Variants in SLC25A12 observed in about 807,000 individuals in gnomAD.
The protein encoded by SLC25A12 is solute carrier family 25 member 12, also known as electrogenic aspartate/glutamate antiporter SLC25A12, mitochondrial.
SLC25A12 carries 32 observed loss-of-function variants against 83.3 expected under a neutral mutation model. That is an observed-to-expected ratio of 0.38 (90% CI 0.29 to 0.52). The LOEUF is 0.52. SLC25A12 is among the 20% of genes least tolerant of loss of function. The probability of loss-of-function intolerance (pLI) is 0.84; values close to 1 mark genes in which losing one functional copy is unlikely to be tolerated. For synonymous variants in SLC25A12, 267 were observed against 291.1 expected (o/e 0.92, Z 0.84); for missense variants, 611 against 835.6 (o/e 0.73, Z 3.31).
chr2:171,796,193 C>T (rs1003075983), intron 13 of SLC25A12, among the ~76,000 whole-genome samples: 3 of 152,250 alleles, frequency 2.0e-5, no homozygotes, highest in Non-Finnish European at 2.9e-5. Flanking sequence ...GCGATCCACT[C>T]GCCTTGGCCT....
In SLC25A12 at chr2:171,868,791, A is replaced by G. The variant is rs1878583; in HGVS notation, c.99T>C (p.Tyr33=). The change falls in exon 3 of 18, where the codon TAT becomes TAC. Residue 33 remains tyrosine (Y), a synonymous_variant. Coordinates refer to ENST00000422440, the MANE Select transcript of SLC25A12 (RefSeq NM_003705.5). ...GCTGAACAAAGTCTTCTGGGGTCAT[A>G]TAACGCTCTCCATCAACCTCAGTAC... ...YASTEVDGER[Y]MTPEDFVQRY... The G allele has an allele frequency of 0.89, 1,434,407 of 1,612,490 alleles. 642,364 individuals carry two copies. Among genetic ancestry groups the G allele is most frequent in the Non-Finnish European group, 0.92 (1,080,155 of 1,178,758 alleles).
intron 5 of SLC25A12, among the ~76,000 whole-genome samples, chr2:171,843,439 C>A (rs1361530666): frequency 3.3e-5 from 5 of 151,738 alleles, no homozygotes; most frequent in African/African-American, 1.2e-4. Flanking sequence ...TTCAGACCAG[C>A]CTGGCCAACA....
At chr2:171,827,941 G>C (rs1025813052) in intron 8 of SLC25A12, among the ~76,000 whole-genome samples, 1 of 152,168 alleles carries the variant, frequency 6.6e-6, no homozygotes, top group Non-Finnish European at 1.5e-5. Context: ...ACACTCCACA[G>C]AGGGGAACCC....
At chr2:171,852,073 C>T (rs756590975) in intron 4 of SLC25A12, among the ~76,000 whole-genome samples, 4 of 152,210 alleles carry the variant, frequency 2.6e-5, no homozygotes, top group East Asian at 3.9e-4. Context: ...TAATTATCCA[C>T]GGCATGCATT....
At chr2:171,810,327 A>T (rs747385390) in intron 11 of SLC25A12, 51 bp from the exon 12 acceptor site, 1 of 1,403,042 alleles carries the variant, frequency 7.1e-7, no homozygotes, top group South Asian at 1.2e-5. Flanking sequence ...AGACATGAAT[A>T]CACAAGCCCA....
chr2:171,819,428 CATA>C (rs549322700), intron 9 of SLC25A12, among the ~76,000 whole-genome samples: 2,396 of 104,688 alleles, frequency 0.023, 49 homozygotes, highest in Admixed American at 0.091. Context: ...ATGTTATATA[CATA>C]ATAATATATA....
At chr2:171,796,329 C>T (rs755721454) in intron 13 of SLC25A12, among the ~76,000 whole-genome samples, 1 of 152,198 alleles carries the variant, frequency 6.6e-6, no homozygotes, top group Non-Finnish European at 1.5e-5. Flanking sequence ...CAAATCCCAA[C>T]AACGCACAGG....
intron 8 of SLC25A12, among the ~76,000 whole-genome samples, chr2:171,831,132 T>C (rs1684422290): frequency 6.6e-6 from 1 of 152,240 alleles, no homozygotes; most frequent in Admixed American, 6.5e-5. Context: ...CAGTTTTGTT[T>C]TTCTTCTCAG....
intron 13 of SLC25A12, among the ~76,000 whole-genome samples, chr2:171,806,225 C>T (rs549041359): frequency 3.3e-5 from 5 of 152,146 alleles, no homozygotes; most frequent in African/African-American, 7.2e-5. Context: ...TTTGGGAGGC[C>T]GAGGCCGGTG....
intron 4 of SLC25A12, among the ~76,000 whole-genome samples, chr2:171,855,403 G>A (rs940433357): frequency 1.8e-4 from 27 of 151,956 alleles, no homozygotes; most frequent in Middle Eastern, 6.8e-3. Flanking sequence ...ATCCTCCTTC[G>A]GTTCCATTCT....
At chr2:171,875,432 C>CCT (rs1241734935) in intron 2 of SLC25A12, among the ~76,000 whole-genome samples, 2 of 152,080 alleles carry the variant, frequency 1.3e-5, no homozygotes, top group African/African-American at 4.8e-5. Flanking sequence ...CAGTCAAGAC[C>CCT]CTCTACCTGT....
intron 13 of SLC25A12, among the ~76,000 whole-genome samples, chr2:171,806,420 A>T (rs1683831982): frequency 6.6e-6 from 1 of 152,220 alleles, no homozygotes; most frequent in Non-Finnish European, 1.5e-5. Context: ...GTGCCATTGC[A>T]TTCCAGCCTG....
rs57628850 is a variant in SLC25A12 at position 171,803,810 on chromosome 2, TAC to T, written c.1305+5794_1305+5795del. On this transcript the variant is annotated intron_variant, in intron 13 of 17. Transcript: ENST00000422440. ...GAGACGCTACCATTATTTAAAAAAA[TAC>T]ACACACACACACACACACACGCGCG... Among the ~76,000 whole-genome samples, 1,098 of 148,514 alleles carry T rather than the reference TAC, an allele frequency of 7.4e-3. 16 individuals carry two copies. Among genetic ancestry groups the T allele is most frequent in the African/African-American group, 0.024 (964 of 39,596 alleles).
At position 171,787,824 on chromosome 2, in the gene SLC25A12, T is replaced by C; in HGVS notation, c.1709A>G (p.Glu570Gly). Reference sequence around the variant, plus strand: ...TTTCCAAAATGCTGAGGGCCCTTCTTCCCGGAGAATCTTCCTGAAACAGTC... The same window carrying C: ...TTTCCAAAATGCTGAGGGCCCTTCTCCCCGGAGAATCTTCCTGAAACAGTC... The part of the protein sequence containing the change: ...VIDCFRKILR[E>G]EGPSAFWKGT... The change falls in exon 16 of 18, where the codon GAA becomes GGA. Residue 570 changes from glutamate to glycine, a missense_variant. Around this residue, in one of 3 missense-constraint regions of SLC25A12, gnomAD observed 540 missense variants for 777.5 expected, o/e 0.69. Transcript: ENST00000422440. 6.2e-7 allele frequency: 1 copy of C among 1,614,154 alleles called. No homozygotes were observed. The highest frequency in any genetic ancestry group is 2.2e-5 in the East Asian group (1 of 44,878).
intron 10 of SLC25A12, among the ~76,000 whole-genome samples, 166 bp from the exon 11 acceptor site, chr2:171,813,663 A>G (rs1683991531): frequency 6.6e-6 from 1 of 152,236 alleles, no homozygotes. Flanking sequence ...TAGGGATAGC[A>G]GGCTATAGCA....
chr2:171,815,325 A>G (rs767891075), intron 9 of SLC25A12, 123 bp from the exon 10 acceptor site: 14 of 691,128 alleles, frequency 2.0e-5, no homozygotes, highest in Non-Finnish European at 3.2e-5. Context: ...TTAATGCAGT[A>G]ATATCTTTTC....
intron 2 of SLC25A12, among the ~76,000 whole-genome samples, chr2:171,891,285 C>T (rs1377169570): frequency 4.0e-5 from 6 of 150,910 alleles, no homozygotes; most frequent in South Asian, 2.1e-4. Flanking sequence ...GGCGACAGAG[C>T]GAGACTCCAT....
Position 171,889,821 on chromosome 2 carries a change from T to A in SLC25A12, c.66+3384A>T, listed in dbSNP as rs1418284162. ...ATTTGAATCTGGCTCTACCACATAG[T>A]CTGACATTAATTTAACCTCATCTAT... On this transcript the variant is annotated intron_variant, in intron 2 of 17. Coordinates refer to ENST00000422440, the MANE Select transcript of SLC25A12 (RefSeq NM_003705.5). 2.0e-5 allele frequency among the ~76,000 whole-genome samples: 3 copies of A among 151,768 alleles called. No individual in the cohort carries two copies. The East Asian group carries it at 5.8e-4, about 29-fold the overall frequency.
At chr2:171,791,348 C>A in intron 15 of SLC25A12, 103 bp downstream of exon 15, 3 of 1,024,804 alleles carry the variant, frequency 2.9e-6, no homozygotes, top group Admixed American at 1.8e-5. Flanking sequence ...AAGTCAGGTA[C>A]AAACAATAAT....
Sources: gnomAD v4.1 joint callset for allele counts (sites outside exome capture counted in the v4.1 genomes callset) on GRCh38, gnomAD v4.1.1 for gene constraint, gnomAD v4.1.1 regional missense constraint, MANE v1.5 for transcripts, NCBI Gene and HGNC (gene_info 2026-07-23, HGNC 2026-07-21) for gene names.